Variants in HERC2 observed in about 807,000 individuals in gnomAD.
HERC2 encodes HECT and RLD domain containing E3 ubiquitin protein ligase 2.
HERC2 carries 102 observed loss-of-function variants against 537.7 expected under a neutral mutation model. The ratio of observed to expected loss-of-function variants is 0.19; its 90% CI spans 0.16 to 0.22. The LOEUF is 0.22. Among genes scored for constraint, HERC2 ranks in the 10% least tolerant of loss-of-function variants. The pLI, the probability that HERC2 is intolerant of heterozygous loss-of-function variation, is 1.00. For missense variants in HERC2, 4,236 were observed against 6,198.2 expected, an observed-to-expected ratio of 0.68 and a Z score of 10.63; for synonymous variants, 2,224 against 2,466.2, an observed-to-expected ratio of 0.90 and a Z score of 2.91.
In HERC2 at chr15:28,215,731, C is replaced by T. The variant is rs750094751; in HGVS notation, c.6100G>A (p.Ala2034Thr). 4 of 1,611,996 alleles carry T rather than the reference C, an allele frequency of 2.5e-6. No individual in the cohort carries two copies. The highest frequency in any genetic ancestry group is 1.3e-5 in the African/African-American group (1 of 75,000). The change falls in exon 39 of 93, where the codon GCT (alanine) becomes ACT (threonine). Residue 2034 changes from alanine (A) to threonine (T), a missense_variant. By Grantham distance (58) the Ala-to-Thr change is moderately conservative. Coordinates refer to ENST00000261609, the MANE Select transcript of HERC2 (RefSeq NM_004667.6). The stretch of plus-strand genomic sequence containing the variant: ...GCGCCGCATACCTGCGGCGTGAGAG[C>T]GATGCTCCGCACAAACCCCAGCGTG... ...WCTLGFVRSI[A>T]LTPQVCGALS...
chr15:28,208,605 GA>G (rs1174498645), intron 44 of HERC2, among the ~76,000 whole-genome samples: 4 of 152,064 alleles, frequency 2.6e-5, no homozygotes, highest in African/African-American at 9.7e-5. Context: ...TCTGTAACAG[GA>G]TGTCACCCAC....
chr15:28,148,339 G>A (rs553861151), intron 70 of HERC2, among the ~76,000 whole-genome samples: 1 of 151,976 alleles, frequency 6.6e-6, no homozygotes, highest in East Asian at 1.9e-4. Flanking sequence ...TAGGAAAAAA[G>A]GAGGAAATTT....
At chr15:28,318,451 G>A (rs1376280209) in intron 2 of HERC2, among the ~76,000 whole-genome samples, 4 of 152,094 alleles carry the variant, frequency 2.6e-5, no homozygotes, top group Non-Finnish European at 5.9e-5. Flanking sequence ...ACATGGTGGA[G>A]CCCTGTCTCT....
At chr15:28,224,407 A>G (rs1220836119) in intron 35 of HERC2, among the ~76,000 whole-genome samples, 1 of 152,152 alleles carries the variant, frequency 6.6e-6, no homozygotes, top group East Asian at 1.9e-4. Flanking sequence ...TTTTTTGTAG[A>G]GACAGGGTTT....
rs780118985 is a variant in HERC2, at chr15:28,176,785, T to G, written c.9433-17A>C. The G allele has an allele frequency of 1.2e-6, 2 of 1,612,160 alleles. No individual in the cohort carries two copies. Among genetic ancestry groups the G allele is most frequent in the Non-Finnish European group, 1.7e-6 (2 of 1,178,854 alleles). ...GACTTTCACCTACTCAATTACAAATTTAAAAACAGAATCACGCACAGGCAC... is the reference window on the plus strand; with the variant it reads ...GACTTTCACCTACTCAATTACAAATGTAAAAACAGAATCACGCACAGGCAC... On this transcript the variant is annotated splice_polypyrimidine_tract_variant and intron_variant, in intron 61 of 92. Coordinates refer to ENST00000261609, the MANE Select transcript of HERC2 (RefSeq NM_004667.6). The surrounding 1 kb of genome is among the most constrained non-coding windows in gnomAD (Gnocchi z 5.0).
In HERC2 at chr15:28,236,944, A is replaced by C; in HGVS notation, c.4003+19T>G. ...AAAAAAATAATCTGCTGATCAGCAA[A>C]AAGCAAAGATTTTCTTACTGGCACA... is the stretch of plus-strand genomic sequence containing the variant. On this transcript the variant is annotated intron_variant, in intron 26 of 92. Coordinates refer to ENST00000261609, the MANE Select transcript of HERC2 (RefSeq NM_004667.6). The C allele has an allele frequency of 1.9e-6, 3 of 1,610,212 alleles. No homozygotes were observed. The highest frequency in any genetic ancestry group is 2.5e-6 in the Non-Finnish European group (3 of 1,178,450).
At chr15:28,310,429 A>G (rs2076909519) in intron 2 of HERC2, among the ~76,000 whole-genome samples, 1 of 152,174 alleles carries the variant, frequency 6.6e-6, no homozygotes, top group South Asian at 2.1e-4. Flanking sequence ...TGGGCAATAG[A>G]GCAAGACCCT....
intron 14 of HERC2, among the ~76,000 whole-genome samples, chr15:28,263,602 C>CAT (rs3080838): frequency 0.22 from 32,918 of 152,000 alleles, 7,000 homozygotes; most frequent in African/African-American, 0.54. Context: ...TTCCCAACTG[C>CAT]ATATCAGCAT....
chr15:28,142,020 A>G (rs1891275668), intron 76 of HERC2, among the ~76,000 whole-genome samples, 174 bp from the exon 77 acceptor site: 1 of 152,230 alleles, frequency 6.6e-6, no homozygotes, highest in Non-Finnish European at 1.5e-5. Context: ...AACATATTAG[A>G]AATGTCTAGA....
intron 2 of HERC2, among the ~76,000 whole-genome samples, chr15:28,317,455 A>C (rs557958858): frequency 1.4e-3 from 211 of 152,318 alleles, no homozygotes; most frequent in African/African-American, 5.0e-3. Flanking sequence ...AGTCATTCTT[A>C]ATTGATGATT....
chr15:28,187,000 T>C (rs1350843192), intron 55 of HERC2, among the ~76,000 whole-genome samples: 1 of 152,216 alleles, frequency 6.6e-6, no homozygotes, highest in Non-Finnish European at 1.5e-5. Context: ...ATTTTCTTCC[T>C]AAAATTTTTA....
Position 28,176,389 on chromosome 15 carries a change from A to C in HERC2, c.9686+39T>G. On this transcript the variant is annotated intron_variant, in intron 63 of 92. Coordinates refer to ENST00000261609, the MANE Select transcript of HERC2 (RefSeq NM_004667.6). This position sits in a 1 kb window ranked among gnomAD's most constrained non-coding sequence, Gnocchi z 5.0. ...GCCCAGGTTCCCTGCACACACCTGCACAAGCACACACAGTGTGACAGGGAG... is the reference window on the plus strand; with the variant it reads ...GCCCAGGTTCCCTGCACACACCTGCCCAAGCACACACAGTGTGACAGGGAG... The C allele has an allele frequency of 6.2e-7, 1 of 1,606,134 alleles. No homozygotes were observed. The highest frequency in any genetic ancestry group is 8.5e-7 in the Non-Finnish European group (1 of 1,173,688).
chr15:28,195,272 C>CT (rs1897248699), intron 52 of HERC2, among the ~76,000 whole-genome samples: 2 of 151,942 alleles, frequency 1.3e-5, no homozygotes, highest in African/African-American at 4.8e-5. Flanking sequence ...GAGTGAGACT[C>CT]TGTCTCAAAA....
At chr15:28,247,297 T>C (rs933699079) in intron 21 of HERC2, among the ~76,000 whole-genome samples, 2 of 151,820 alleles carry the variant, frequency 1.3e-5, no homozygotes, top group Non-Finnish European at 2.9e-5. Flanking sequence ...CACCCAGCTC[T>C]AAATTTTTAA....
chr15:28,305,454 C>G (rs1184107750), intron 2 of HERC2, among the ~76,000 whole-genome samples: 1 of 132,246 alleles, frequency 7.6e-6, no homozygotes, highest in Admixed American at 7.9e-5. Context: ...ATAAATGGTG[C>G]TGGGAAAACT....
At chr15:28,125,953 A>G (rs1889432952) in intron 83 of HERC2, among the ~76,000 whole-genome samples, 1 of 152,234 alleles carries the variant, frequency 6.6e-6, no homozygotes, top group South Asian at 2.1e-4. Flanking sequence ...CTAGGCTCAC[A>G]GGCACGCACC....
chr15:28,225,696 C>CAA (rs35629645), intron 35 of HERC2, among the ~76,000 whole-genome samples: 1,396 of 58,692 alleles, frequency 0.024, 49 homozygotes, highest in African/African-American at 0.076. Context: ...GACTCCGTCT[C>CAA]AAAAAAAAAA....
intron 70 of HERC2, among the ~76,000 whole-genome samples, chr15:28,147,378 T>C (rs1041306437): frequency 3.9e-5 from 6 of 152,216 alleles, no homozygotes; most frequent in African/African-American, 1.2e-4. Context: ...CCTGTAATCT[T>C]AGCACTTCGG....
At chr15:28,156,202 C>T (rs1892993603) in intron 69 of HERC2, among the ~76,000 whole-genome samples, 1 of 152,160 alleles carries the variant, frequency 6.6e-6, no homozygotes, top group African/African-American at 2.4e-5. Context: ...AGCGTGATGC[C>T]TCCAGCTTTG....
Sources: gnomAD v4.1 joint callset for allele counts (sites outside exome capture counted in the v4.1 genomes callset) on GRCh38, gnomAD v4.1.1 for gene constraint, Gnocchi (gnomAD v3.1) non-coding constraint, MANE v1.5 for transcripts, NCBI Gene and HGNC (gene_info 2026-07-23, HGNC 2026-07-21) for gene names.